AGTPBP1: variants seen among roughly 807,000 people sequenced by gnomAD.
AGTPBP1 encodes cytosolic carboxypeptidase 1.
A neutral mutation model predicts 143.9 loss-of-function variants in AGTPBP1; 70 were observed. The ratio of observed to expected loss-of-function variants is 0.49; its 90% CI spans 0.40 to 0.59. The LOEUF is 0.59. AGTPBP1 is among the 20% of genes least tolerant of loss of function. The pLI, the probability that AGTPBP1 is intolerant of heterozygous loss-of-function variation, is 0.00. For synonymous variants in AGTPBP1, 463 were observed against 500.2 expected (o/e 0.93, Z 0.99); for missense variants, 1,229 against 1,464.5 (o/e 0.84, Z 2.62).
At chr9:85,789,708 A>G in the AGTPBP1 span, among the ~76,000 whole-genome samples, 1 of 152,148 alleles carries the variant, frequency 6.6e-6, no homozygotes, top group South Asian at 2.1e-4. Context: ...CAAAAATATG[A>G]TCTTCATTAA....
At chr9:85,630,537 T>C (rs1053449839) in intron 14 of AGTPBP1, among the ~76,000 whole-genome samples, 1 of 152,020 alleles carries the variant, frequency 6.6e-6, no homozygotes, top group African/African-American at 2.4e-5. Flanking sequence ...TGGAGTGCAG[T>C]GGCACGATCA....
At chr9:85,575,543 A>G (rs1206273564) in intron 24 of AGTPBP1, 68 bp from the exon 25 acceptor site, 1 of 1,301,900 alleles carries the variant, frequency 7.7e-7, no homozygotes, top group Non-Finnish European at 1.0e-6. Context: ...GCTCAATGAA[A>G]TTATATAAAA....
intron 1 of AGTPBP1, among the ~76,000 whole-genome samples, chr9:85,736,920 C>A (rs147770268): frequency 6.6e-6 from 1 of 152,176 alleles, no homozygotes; most frequent in Admixed American, 6.5e-5. Context: ...TCCTGGCTAA[C>A]GCGGTGAAAC....
chr9:85,731,447 T>G (rs1431659380), intron 1 of AGTPBP1, among the ~76,000 whole-genome samples: 1 of 151,770 alleles, frequency 6.6e-6, no homozygotes, highest in Non-Finnish European at 1.5e-5. Context: ...AGTGTTTTGG[T>G]TTTTTTGTGT....
intron 2 of AGTPBP1, among the ~76,000 whole-genome samples, chr9:85,704,564 C>T (rs1836864494): frequency 6.6e-6 from 1 of 152,154 alleles, no homozygotes; most frequent in Admixed American, 6.5e-5. Flanking sequence ...GAGAATAGCT[C>T]CAGTCCTATC....
the AGTPBP1 span, chr9:85,756,187 T>A: frequency 6.2e-7 from 1 of 1,611,072 alleles, no homozygotes; most frequent in Non-Finnish European, 8.5e-7. Flanking sequence ...CCATAGTTTC[T>A]AAGAAGGAGG....
chr9:85,606,472 A>C (rs1360087528), intron 17 of AGTPBP1, among the ~76,000 whole-genome samples: 2 of 152,064 alleles, frequency 1.3e-5, no homozygotes, highest in Non-Finnish European at 2.9e-5. Context: ...AAATTAGTGT[A>C]GTCACTATGG....
intron 2 of AGTPBP1, among the ~76,000 whole-genome samples, chr9:85,696,602 A>T (rs181294996): frequency 6.6e-6 from 1 of 152,068 alleles, no homozygotes; most frequent in Non-Finnish European, 1.5e-5. Flanking sequence ...CGGGAGGTGG[A>T]GGCTGCAGTG....
intron 20 of AGTPBP1, 54 bp from the exon 21 acceptor site, chr9:85,588,532 T>C (rs1828757135): frequency 6.4e-7 from 1 of 1,558,784 alleles, no homozygotes; most frequent in Non-Finnish European, 8.7e-7. Context: ...AAAGTTTGTA[T>C]ATTTTACTTT....
At chr9:85,585,405 T>G (rs1308644252) in intron 23 of AGTPBP1, 58 bp downstream of exon 23, 1 of 1,458,144 alleles carries the variant, frequency 6.9e-7, no homozygotes, top group African/African-American at 1.4e-5. Flanking sequence ...TATGTTCTTT[T>G]CTGTACTTTT....
At chr9:85,655,765 A>AT (rs1162572745) in intron 10 of AGTPBP1, among the ~76,000 whole-genome samples, 5 of 151,934 alleles carry the variant, frequency 3.3e-5, no homozygotes, top group African/African-American at 4.8e-5. Context: ...AATACCTCTC[A>AT]TAAGTTGGCT....
intron 17 of AGTPBP1, among the ~76,000 whole-genome samples, chr9:85,603,722 C>T (rs1033657142): frequency 5.3e-5 from 8 of 152,130 alleles, no homozygotes; most frequent in Non-Finnish European, 8.8e-5. Flanking sequence ...GACAGCATTT[C>T]GGGACCTGCC....
At chr9:85,742,467 T>C (rs1824425874), upstream of AGTPBP1, among the ~76,000 whole-genome samples, 1 of 152,046 alleles carries the variant, frequency 6.6e-6, no homozygotes, top group Non-Finnish European at 1.5e-5. Flanking sequence ...CTTAGACCTT[T>C]CCTGACCTCA....
Position 85,626,489 on chromosome 9 carries a change from A to T in AGTPBP1, c.2016-5204T>A, listed in dbSNP as rs144621295. Among the ~76,000 whole-genome samples, 403 of 152,334 alleles carry T rather than the reference A, an allele frequency of 2.6e-3. 2 individuals carry two copies. The highest frequency in any genetic ancestry group is 9.1e-3 in the African/African-American group (380 of 41,568). ...TGATAAGTTGGCAAATAATTCACAA[A>T]ATGTCATCATTTGCTCAAACATAAG... On this transcript the variant is annotated intron_variant, in intron 14 of 25. Transcript: ENST00000357081.
At chr9:85,629,433 C>T (rs1831515947) in intron 14 of AGTPBP1, among the ~76,000 whole-genome samples, 1 of 152,138 alleles carries the variant, frequency 6.6e-6, no homozygotes. Flanking sequence ...GTATAAATTC[C>T]TCCATCATCA....
chr9:85,742,383 C>T (rs1020478686), upstream of AGTPBP1, among the ~76,000 whole-genome samples: 1 of 151,656 alleles, frequency 6.6e-6, no homozygotes, highest in Non-Finnish European at 1.5e-5. Flanking sequence ...CAATCAGTCA[C>T]TTTCTTAGGA....
At chr9:85,760,662 C>T in the AGTPBP1 span, among the ~76,000 whole-genome samples, 8 of 152,262 alleles carry the variant, frequency 5.3e-5, no homozygotes, top group South Asian at 8.3e-4. Context: ...CAGCCAATAT[C>T]GTACTGAATG....
chr9:85,722,056 C>G (rs62570608), intron 1 of AGTPBP1, among the ~76,000 whole-genome samples: 2,251 of 152,302 alleles, frequency 0.015, 25 homozygotes, highest in Middle Eastern at 0.037. Flanking sequence ...GTCTGATGGG[C>G]TTCCCTTTGA....
intron 1 of AGTPBP1, among the ~76,000 whole-genome samples, chr9:85,714,566 C>T (rs1837581120): frequency 6.6e-6 from 1 of 152,046 alleles, no homozygotes; most frequent in Non-Finnish European, 1.5e-5. Context: ...AGCTAGACAC[C>T]AAGACCATTT....
Sources: allele counts gnomAD v4.1 joint callset (sites outside exome capture counted in the v4.1 genomes callset), GRCh38; gene constraint gnomAD v4.1.1; transcripts MANE v1.5; gene names NCBI Gene and HGNC (gene_info 2026-07-23, HGNC 2026-07-21).